RFX6: variants seen among roughly 807,000 people sequenced by gnomAD.
RFX6 encodes DNA-binding protein RFX6.
Under a neutral mutation model 110.8 loss-of-function variants are expected in RFX6, and 50 were observed. The ratio of observed to expected loss-of-function variants is 0.45; its 90% CI spans 0.36 to 0.57. The LOEUF (loss-of-function observed/expected upper bound fraction) is 0.57. RFX6 is among the 20% of genes least tolerant of loss of function. The pLI, the probability that RFX6 is intolerant of heterozygous loss-of-function variation, is 0.00. For synonymous variants in RFX6, 383 were observed against 411.2 expected, an observed-to-expected ratio of 0.93 and a Z score of 0.83; for missense variants, 990 against 1,127.0, an observed-to-expected ratio of 0.88 and a Z score of 1.74.
At chr6:116,907,271 G>A (rs963558768) in intron 6 of RFX6, among the ~76,000 whole-genome samples, 1 of 151,992 alleles carries the variant, frequency 6.6e-6, no homozygotes, top group Non-Finnish European at 1.5e-5. Context: ...AATATTTTGT[G>A]GAGAGTTTTT....
intron 13 of RFX6, among the ~76,000 whole-genome samples, chr6:116,922,393 C>T (rs1434347620): frequency 2.0e-5 from 3 of 152,152 alleles, no homozygotes; most frequent in Non-Finnish European, 2.9e-5. Context: ...CTACAAGATG[C>T]TCTGCCTTCC....
chr6:116,930,045 T>A (rs1214198295), intron 18 of RFX6, among the ~76,000 whole-genome samples: 1 of 152,218 alleles, frequency 6.6e-6, no homozygotes, highest in Non-Finnish European at 1.5e-5. Flanking sequence ...ACCATGAGAC[T>A]AAAATGTACT....
chr6:116,929,831 A>G (rs1450578757), intron 18 of RFX6, among the ~76,000 whole-genome samples: 1 of 152,220 alleles, frequency 6.6e-6, no homozygotes, highest in Non-Finnish European at 1.5e-5. Context: ...CAACCAGAGC[A>G]TAAGGGAAAA....
chr6:116,877,690 GC>G (rs2114657521), intron 1 of RFX6, 105 bp from the exon 2 acceptor site: 7 of 500,560 alleles, frequency 1.4e-5, no homozygotes, highest in African/African-American at 2.2e-5. Context: ...CCTCCCCTCC[GC>G]CCCCACCCCA....
chr6:116,915,254 TAATAGACATTC>T (rs1251040668), intron 7 of RFX6, among the ~76,000 whole-genome samples: 5 of 152,212 alleles, frequency 3.3e-5, no homozygotes, highest in Non-Finnish European at 7.4e-5. Flanking sequence ...AGACTTTTCA[TAATAGACATTC>T]AATGTTTGAA....
rs1775452263 is a variant in RFX6 at position 116,915,941 on chromosome 6, A to G, written c.781-67A>G. 2.7e-6 allele frequency: 3 copies of G among 1,098,472 alleles called. No homozygotes were observed. The East Asian group carries it at 7.1e-5, about 26-fold the overall frequency. 68.0% of individuals were successfully genotyped at this position (1,098,472 alleles called of 1,614,324 possible). On this transcript the variant is annotated intron_variant, in intron 7 of 18. Transcript: ENST00000332958. ...AGGATCTTTTAAAAAATCTGTGTTG[A>G]ACAAATTAACAAGAAAAGGCAGTGT...
At chr6:116,882,155 G>T (rs1252537174) in intron 3 of RFX6, among the ~76,000 whole-genome samples, 1 of 152,028 alleles carries the variant, frequency 6.6e-6, no homozygotes, top group Non-Finnish European at 1.5e-5. Context: ...TCAAGACAAG[G>T]TCAGTAGAGC....
intron 4 of RFX6, among the ~76,000 whole-genome samples, chr6:116,891,390 A>G (rs1178813762): frequency 1.3e-5 from 2 of 152,236 alleles, no homozygotes; most frequent in Non-Finnish European, 2.9e-5. Flanking sequence ...GTTGAGAAAC[A>G]AGAAAATTGA....
intron 6 of RFX6, among the ~76,000 whole-genome samples, chr6:116,903,599 G>A (rs1000995305): frequency 6.6e-6 from 1 of 151,852 alleles, no homozygotes; most frequent in African/African-American, 2.4e-5. Flanking sequence ...TCCAGAATAT[G>A]GTGTTACTGT....
Position 116,880,527 on chromosome 6 carries a change from T to C in RFX6, c.381-17T>C. On this transcript the variant is annotated splice_polypyrimidine_tract_variant and intron_variant, in intron 2 of 18. Coordinates refer to ENST00000332958, the MANE Select transcript of RFX6 (RefSeq NM_173560.4). ...GGAAATAAAATATTTGACCTAATTT[T>C]TGTTCCTTTTTCTTAGGCTTGAAGA... 6.2e-7 allele frequency: 1 copy of C among 1,609,740 alleles called. No homozygotes were observed. The highest frequency in any genetic ancestry group is 1.1e-5 in the South Asian group (1 of 90,710).
intron 6 of RFX6, among the ~76,000 whole-genome samples, chr6:116,908,294 T>C (rs1775251909): frequency 6.6e-6 from 1 of 152,104 alleles, no homozygotes; most frequent in Admixed American, 6.6e-5. Context: ...CCATAATATT[T>C]TCCAGTTTCA....
At chr6:116,916,720 C>A (rs1775474252) in intron 9 of RFX6, among the ~76,000 whole-genome samples, 1 of 151,962 alleles carries the variant, frequency 6.6e-6, no homozygotes, top group South Asian at 2.1e-4. Flanking sequence ...ATCTCAAAAA[C>A]CTCTAACTTT....
chr6:116,924,643 C>A lies in RFX6; in HGVS notation c.1556-26C>A, dbSNP rs372300534. On this transcript the variant is annotated intron_variant, in intron 14 of 18. Coordinates refer to ENST00000332958, the MANE Select transcript of RFX6 (RefSeq NM_173560.4). ...CCCTTTTTACATTTCACACTGTCCT[C>A]TCCTCATTCTCCATCCATAAACAAG... The A allele has an allele frequency of 3.1e-6, 5 of 1,600,726 alleles. No individual in the cohort carries two copies. In the South Asian group the frequency reaches 4.4e-5, roughly 14 times the overall value.
At chr6:116,886,062 A>T (rs1184267084) in intron 4 of RFX6, among the ~76,000 whole-genome samples, 1 of 152,188 alleles carries the variant, frequency 6.6e-6, no homozygotes, top group Non-Finnish European at 1.5e-5. Flanking sequence ...TCAGGGAATC[A>T]TAATTTCTCC....
At chr6:116,896,974 G>A (rs140021856) in intron 6 of RFX6, among the ~76,000 whole-genome samples, 1 of 152,138 alleles carries the variant, frequency 6.6e-6, no homozygotes, top group Non-Finnish European at 1.5e-5. Context: ...ACAAAATGGT[G>A]AATGAAGAGA....
chr6:116,927,096 G>A lies in RFX6; in HGVS notation c.1955G>A (p.Arg652Gln), dbSNP rs867520268. Reference protein sequence around the residue: ...TPPISPAMASRGSVINQGPMA... With the variant: ...TPPISPAMASQGSVINQGPMA... ...CCCATTTCTCCAGCCATGGCAAGCC[G>A]AGGAAGTGTCATTAACCAAGGACCA... Residue 652 changes from arginine to glutamine, a missense_variant, in exon 17 of 19, where the codon CGA becomes CAA. Physicochemically the swap from Arg to Gln is conservative, Grantham distance 43. Coordinates refer to ENST00000332958, the MANE Select transcript of RFX6 (RefSeq NM_173560.4). 3.1e-6 allele frequency: 5 copies of A among 1,613,956 alleles called. No individual in the cohort carries two copies. The highest frequency in any genetic ancestry group is 1.1e-5 in the South Asian group (1 of 91,072).
intron 10 of RFX6, among the ~76,000 whole-genome samples, chr6:116,918,809 T>C (rs1296657779): frequency 6.6e-6 from 1 of 152,134 alleles, no homozygotes; most frequent in Non-Finnish European, 1.5e-5. Context: ...GCCTGATCAA[T>C]AATGTCTTTT....
chr6:116,902,881 G>A (rs1270106687), intron 6 of RFX6, among the ~76,000 whole-genome samples: 2 of 152,006 alleles, frequency 1.3e-5, no homozygotes, highest in Non-Finnish European at 2.9e-5. Context: ...TGCAGCTTAA[G>A]TCCTTTAATC....
intron 7 of RFX6, among the ~76,000 whole-genome samples, chr6:116,914,489 G>A (rs747843975): frequency 1.3e-5 from 2 of 152,008 alleles, no homozygotes; most frequent in African/African-American, 2.4e-5. Flanking sequence ...TCCATCTTTC[G>A]TGTGTTACTC....
Sources: gnomAD v4.1 joint callset for allele counts (sites outside exome capture counted in the v4.1 genomes callset) on GRCh38, gnomAD v4.1.1 for gene constraint, MANE v1.5 for transcripts, NCBI Gene and HGNC (gene_info 2026-07-23, HGNC 2026-07-21) for gene names.